Variants in RASA2 observed in about 807,000 individuals in gnomAD.
The protein encoded by RASA2 is RAS p21 protein activator 2.
Under a neutral mutation model 118.2 loss-of-function variants are expected in RASA2, and 155 were observed. That is an observed-to-expected ratio of 1.31 (90% CI 1.15 to 1.50). The LOEUF is 1.50. Among genes scored for constraint, RASA2 ranks in the 40% most tolerant of loss-of-function variants. The pLI, the probability that RASA2 is intolerant of heterozygous loss-of-function variation, is 0.00. For missense variants in RASA2, 1,016 were observed against 1,009.6 expected (o/e 1.01, Z -0.09); for synonymous variants, 353 against 349.1 (o/e 1.01, Z -0.12).
intron 1 of RASA2, among the ~76,000 whole-genome samples, chr3:141,488,878 A>G (rs2081608086): frequency 1.3e-5 from 2 of 152,286 alleles, no homozygotes; most frequent in Non-Finnish European, 2.9e-5. Context: ...ACTCACTGGT[A>G]CGTAACTGCA....
Position 141,555,855 on chromosome 3 carries a change from G to A in RASA2, c.627G>A (p.Lys209=). 1 of 1,612,356 alleles carries A rather than the reference G, an allele frequency of 6.2e-7. No homozygotes were observed. ...LVGPSRNDQK[K]TKVKKKTSNP... is the part of the protein sequence containing the mutation. ...ATTGGAACAGGAATGACCAAAAGAA[G>A]ACAAAAGTAAAGAAGAAAACAAGCA... Residue 209 remains lysine, a synonymous_variant, in exon 7 of 24, where the codon AAG becomes AAA. Transcript: ENST00000286364.
chr3:141,569,109 CTA>C (rs1252923856), intron 9 of RASA2, among the ~76,000 whole-genome samples: 2 of 152,034 alleles, frequency 1.3e-5, no homozygotes, highest in African/African-American at 4.8e-5. Context: ...CAAAGATTCA[CTA>C]TTTTATATAC....
chr3:141,513,083 A>G (rs1373750976), intron 2 of RASA2, among the ~76,000 whole-genome samples: 1 of 148,030 alleles, frequency 6.8e-6, no homozygotes, highest in African/African-American at 2.6e-5. Context: ...AAAAAAAACA[A>G]AAAAACGAAA....
intron 3 of RASA2, among the ~76,000 whole-genome samples, chr3:141,520,436 G>A (rs2082094352): frequency 6.6e-6 from 1 of 152,090 alleles, no homozygotes; most frequent in African/African-American, 2.4e-5. Context: ...CCAAACTGAT[G>A]AACCCTAGAA....
intron 17 of RASA2, among the ~76,000 whole-genome samples, chr3:141,584,620 T>C (rs2083170861): frequency 6.6e-6 from 1 of 152,188 alleles, no homozygotes; most frequent in African/African-American, 2.4e-5. Context: ...AAGTCAGTTA[T>C]ATATGATAGA....
chr3:141,594,478 T>C (rs2083336080), intron 19 of RASA2, among the ~76,000 whole-genome samples: 1 of 152,070 alleles, frequency 6.6e-6, no homozygotes, highest in African/African-American at 2.4e-5. Flanking sequence ...GAAACCGCAC[T>C]TAGACATAAA....
intron 1 of RASA2, among the ~76,000 whole-genome samples, chr3:141,510,201 T>A (rs1251058733): frequency 6.6e-6 from 1 of 152,186 alleles, no homozygotes; most frequent in Admixed American, 6.5e-5. Flanking sequence ...TTGAGTGATT[T>A]GTCTGAAGTC....
At chr3:141,548,335 T>G (rs2082518793) in intron 5 of RASA2, among the ~76,000 whole-genome samples, 1 of 152,202 alleles carries the variant, frequency 6.6e-6, no homozygotes, top group East Asian at 1.9e-4. Flanking sequence ...GCAAGACTTT[T>G]TACTGTGGCT....
intron 7 of RASA2, among the ~76,000 whole-genome samples, chr3:141,558,658 T>C (rs552192561): frequency 6.6e-6 from 1 of 151,910 alleles, no homozygotes; most frequent in East Asian, 1.9e-4. Context: ...TTTCTTAGAC[T>C]TGAGTGAGAT....
intron 1 of RASA2, among the ~76,000 whole-genome samples, chr3:141,502,950 TA>T (rs752843894): frequency 2.2e-4 from 33 of 152,202 alleles, no homozygotes; most frequent in Admixed American, 5.2e-4. Flanking sequence ...AGAAAGACCT[TA>T]AGAGTTGAAT....
intron 1 of RASA2, among the ~76,000 whole-genome samples, chr3:141,492,856 G>A (rs949869454): frequency 5.3e-5 from 8 of 152,282 alleles, no homozygotes; most frequent in African/African-American, 1.9e-4. Context: ...ATATCGAAGG[G>A]TCTGTTAAGA....
intron 1 of RASA2, among the ~76,000 whole-genome samples, chr3:141,506,915 C>CAAAA (rs59123792): frequency 1.1e-5 from 1 of 89,764 alleles, no homozygotes. Context: ...GACCCTGTCT[C>CAAAA]AAAAAAAAAA....
intron 1 of RASA2, among the ~76,000 whole-genome samples, chr3:141,487,456 G>A (rs1282838435): frequency 1.3e-5 from 2 of 151,952 alleles, no homozygotes; most frequent in Non-Finnish European, 2.9e-5. Context: ...GATGGGCCTG[G>A]GGTGGGAGAG....
At chr3:141,597,609 C>T (rs760914825) in intron 19 of RASA2, among the ~76,000 whole-genome samples, 1 of 151,916 alleles carries the variant, frequency 6.6e-6, no homozygotes, top group Admixed American at 6.6e-5. Context: ...ATTGATATGT[C>T]AAATAGGCTC....
At chr3:141,518,116 C>A (rs1218786200) in intron 3 of RASA2, among the ~76,000 whole-genome samples, 1 of 152,024 alleles carries the variant, frequency 6.6e-6, no homozygotes, top group African/African-American at 2.4e-5. Context: ...TATTCTCTTT[C>A]TTTTTAGTAT....
chr3:141,522,529 C>G (rs918110935), intron 3 of RASA2, among the ~76,000 whole-genome samples: 1 of 152,154 alleles, frequency 6.6e-6, no homozygotes, highest in African/African-American at 2.4e-5. Context: ...TGAGAAGACG[C>G]TGATCTTCCA....
At chr3:141,508,733 A>G (rs1053068779) in intron 1 of RASA2, among the ~76,000 whole-genome samples, 3 of 152,140 alleles carry the variant, frequency 2.0e-5, no homozygotes, top group African/African-American at 4.8e-5. Context: ...TAAGAGGGCA[A>G]GTTGCAGGTT....
chr3:141,536,043 T>C lies in RASA2; in HGVS notation c.451-4490T>C, dbSNP rs529658058. ...CACAGATATTTTTGTGTGAAATTTTTGTAAAATTAATTGAAATAAAGTTAG... is the reference window on the plus strand; with the variant it reads ...CACAGATATTTTTGTGTGAAATTTTCGTAAAATTAATTGAAATAAAGTTAG... On this transcript the variant is annotated intron_variant, in intron 4 of 23. Coordinates refer to ENST00000286364, the MANE Select transcript of RASA2 (RefSeq NM_006506.5). Among the ~76,000 whole-genome samples the C allele has an allele frequency of 2.6e-5, 4 of 152,362 alleles. No individual in the cohort carries two copies. The East Asian group carries it at 7.7e-4, about 29-fold the overall frequency.
intron 4 of RASA2, among the ~76,000 whole-genome samples, chr3:141,536,572 C>T (rs1210317035): frequency 2.0e-5 from 3 of 152,096 alleles, no homozygotes; most frequent in African/African-American, 7.2e-5. Flanking sequence ...CAATACCTTC[C>T]AAGAATTTGG....
Sources: gnomAD v4.1 joint callset for allele counts (sites outside exome capture counted in the v4.1 genomes callset) on GRCh38, gnomAD v4.1.1 for gene constraint, MANE v1.5 for transcripts, NCBI Gene and HGNC (gene_info 2026-07-23, HGNC 2026-07-21) for gene names.